The following RELN variants were observed in gnomAD, a reference collection of about 807,000 sequenced individuals.
RELN encodes reelin.
In RELN, 108 loss-of-function variants were observed where a neutral mutation model predicts 427.6. That is an observed-to-expected ratio of 0.25 (90% CI 0.22 to 0.30). The LOEUF (loss-of-function observed/expected upper bound fraction) is 0.30. Among genes scored for constraint, RELN ranks in the 10% least tolerant of loss-of-function variants. The pLI, the probability that RELN is intolerant of heterozygous loss-of-function variation, is 1.00. For synonymous variants in RELN, 1,524 were observed against 1,513.4 expected (o/e 1.01, Z -0.16); for missense variants, 3,715 against 4,302.8 (o/e 0.86, Z 3.82).
chr7:103,843,251 C>T (rs1793597907), intron 2 of RELN, among the ~76,000 whole-genome samples: 1 of 151,934 alleles, frequency 6.6e-6, no homozygotes, highest in South Asian at 2.1e-4. Context: ...GTCACCTAGG[C>T]TCAGGTGCAC....
At chr7:103,560,138 TCA>T (rs1003532055) in intron 36 of RELN, among the ~76,000 whole-genome samples, 6 of 152,232 alleles carry the variant, frequency 3.9e-5, no homozygotes, top group Non-Finnish European at 5.9e-5. Context: ...ATATTCTAGT[TCA>T]CAGACATATG....
At chr7:103,822,532 A>G (rs937050443) in intron 3 of RELN, among the ~76,000 whole-genome samples, 1 of 152,092 alleles carries the variant, frequency 6.6e-6, no homozygotes, top group Non-Finnish European at 1.5e-5. Flanking sequence ...TATAAACTCT[A>G]ATTCTATAAC....
At chr7:103,880,797 A>G (rs1183846152) in intron 2 of RELN, among the ~76,000 whole-genome samples, 1 of 152,116 alleles carries the variant, frequency 6.6e-6, no homozygotes, top group African/African-American at 2.4e-5. Context: ...GGCTCAAGCA[A>G]TCCTACCACC....
chr7:103,638,310 T>A (rs182621623), intron 17 of RELN, among the ~76,000 whole-genome samples: 1 of 152,268 alleles, frequency 6.6e-6, no homozygotes, highest in Admixed American at 6.5e-5. Context: ...CTCTGTCTCC[T>A]CATTAGCATC....
intron 10 of RELN, among the ~76,000 whole-genome samples, chr7:103,684,366 T>A (rs1833718863): frequency 1.3e-5 from 2 of 152,264 alleles, no homozygotes; most frequent in South Asian, 4.1e-4. Context: ...CTGAATGCAT[T>A]CAGATTGAGA....
At chr7:103,777,286 T>C (rs187353890) in intron 3 of RELN, among the ~76,000 whole-genome samples, 1 of 152,164 alleles carries the variant, frequency 6.6e-6, no homozygotes, top group East Asian at 1.9e-4. Context: ...AAAAGTCTTA[T>C]TAAAGGAATA....
chr7:103,637,569 A>G (rs1304487281), intron 17 of RELN, among the ~76,000 whole-genome samples: 1 of 152,196 alleles, frequency 6.6e-6, no homozygotes, highest in Middle Eastern at 3.2e-3. Context: ...TCAGATTACC[A>G]AATAAGTTGG....
chr7:103,522,175 C>G lies in RELN; in HGVS notation c.7515G>C (p.Leu2505=). ...GAGAGGTCTCGGGGTCATCACAGTA[C>G]AGGCCACCCCACTGTTCATCACAGC... ...NCVCDEQWGG[L]YCDDPETSLP... is the part of the protein sequence containing the mutation. The change falls in exon 48 of 65, where the codon CTG becomes CTC. Residue 2505 remains leucine (L), a synonymous_variant. Transcript: ENST00000428762. 6 of 1,614,020 alleles carry G rather than the reference C, an allele frequency of 3.7e-6. No homozygotes were observed. Among genetic ancestry groups the G allele is most frequent in the Non-Finnish European group, 4.2e-6 (5 of 1,180,026 alleles).
At chr7:103,887,714 C>G (rs578217156) in intron 2 of RELN, among the ~76,000 whole-genome samples, 128 of 151,950 alleles carry the variant, frequency 8.4e-4, no homozygotes, top group African/African-American at 2.9e-3. Flanking sequence ...CAAGAAATGT[C>G]AGATGGGGAG....
At chr7:103,842,645 T>C (rs920775143) in intron 2 of RELN, among the ~76,000 whole-genome samples, 1 of 152,344 alleles carries the variant, frequency 6.6e-6, no homozygotes, top group African/African-American at 2.4e-5. Flanking sequence ...ACATATACAC[T>C]GTGTATATTT....
chr7:103,889,300 G>A (rs935802246), intron 2 of RELN, among the ~76,000 whole-genome samples: 3 of 152,270 alleles, frequency 2.0e-5, no homozygotes, highest in East Asian at 1.9e-4. Flanking sequence ...TGAGCTACAC[G>A]GGAATGTTCA....
chr7:103,657,627 G>A (rs1833049259), intron 12 of RELN, among the ~76,000 whole-genome samples: 1 of 152,068 alleles, frequency 6.6e-6, no homozygotes, highest in Non-Finnish European at 1.5e-5. Flanking sequence ...AAACACACGT[G>A]AGAGCCACAC....
At chr7:103,728,674 A>C (rs561658975) in intron 6 of RELN, among the ~76,000 whole-genome samples, 3 of 152,202 alleles carry the variant, frequency 2.0e-5, no homozygotes, top group Non-Finnish European at 4.4e-5. Flanking sequence ...AGCCACTTAC[A>C]TAAAAACTTG....
intron 28 of RELN, among the ~76,000 whole-genome samples, chr7:103,588,380 G>A (rs1831328085): frequency 6.6e-6 from 1 of 152,030 alleles, no homozygotes; most frequent in Admixed American, 6.5e-5. Flanking sequence ...ACAGAGACTA[G>A]GAAGGCTACC....
intron 19 of RELN, among the ~76,000 whole-genome samples, chr7:103,630,884 C>G (rs1239271487): frequency 1.2e-5 from 1 of 82,856 alleles, no homozygotes; most frequent in Admixed American, 1.3e-4. Context: ...TGTTTTTTAA[C>G]TAATGAGCAA....
At chr7:103,856,586 A>C (rs1024238475) in intron 2 of RELN, among the ~76,000 whole-genome samples, 2 of 98,768 alleles carry the variant, frequency 2.0e-5, no homozygotes, top group African/African-American at 2.7e-5. Flanking sequence ...AAAAAAAAAA[A>C]AAGAAAGAAA....
chr7:103,989,206 C>G lies in RELN; in HGVS notation c.151G>C (p.Glu51Gln). 6.2e-7 allele frequency: 1 copy of G among 1,614,124 alleles called. No homozygotes were observed. Among genetic ancestry groups the G allele is most frequent in the Non-Finnish European group, 8.5e-7 (1 of 1,179,994 alleles). ...THHGELEGDG[E>Q]QGEVLISLHI... ...AGGGAAATGAGCACCTCGCCCTGCT[C>G]CCCATCCCCTTCCAGCTCCCCGTGG... Residue 51 changes from glutamate (E) to glutamine (Q), a missense_variant, in exon 1 of 65, where the codon GAG becomes CAG. Glu to Gln is a conservative substitution (Grantham distance 29). Transcript: ENST00000428762. This position sits in a 1 kb window ranked among gnomAD's most constrained non-coding sequence, Gnocchi z 4.9.
At chr7:103,838,617 G>A (rs181282266) in intron 2 of RELN, among the ~76,000 whole-genome samples, 1 of 152,252 alleles carries the variant, frequency 6.6e-6, no homozygotes, top group East Asian at 1.9e-4. Context: ...CATAAAGCAG[G>A]GATCAGGTGT....
At chr7:103,686,093 G>A (rs1209668319) in intron 10 of RELN, among the ~76,000 whole-genome samples, 1 of 152,128 alleles carries the variant, frequency 6.6e-6, no homozygotes. Flanking sequence ...GATTCTTTCA[G>A]GCATCTGTAG....
Sources: gnomAD v4.1 joint callset for allele counts (sites outside exome capture counted in the v4.1 genomes callset) on GRCh38, gnomAD v4.1.1 for gene constraint, Gnocchi (gnomAD v3.1) non-coding constraint, MANE v1.5 for transcripts, NCBI Gene and HGNC (gene_info 2026-07-23, HGNC 2026-07-21) for gene names.